The following DPYD variants were observed in gnomAD, a reference collection of about 807,000 sequenced individuals.
The protein encoded by DPYD is dihydropyrimidine dehydrogenase [NADP(+)].
A neutral mutation model predicts 116.2 loss-of-function variants in DPYD; 109 were observed. The ratio of observed to expected loss-of-function variants is 0.94; its 90% CI spans 0.80 to 1.10. The LOEUF is 1.10. Among genes scored for constraint, DPYD ranks in the 50% least tolerant of loss-of-function variants. DPYD has a pLI of 0.00. For synonymous variants in DPYD, 440 were observed against 432.0 expected, an observed-to-expected ratio of 1.02 and a Z score of -0.23; for missense variants, 1,302 against 1,254.5, an observed-to-expected ratio of 1.04 and a Z score of -0.57.
intron 18 of DPYD, among the ~76,000 whole-genome samples, chr1:97,296,594 G>C (rs1666544555): frequency 6.6e-6 from 1 of 151,906 alleles, no homozygotes; most frequent in Admixed American, 6.6e-5. Context: ...TATTCATGCT[G>C]TTTTGATAAA....
chr1:97,820,074 G>A lies in DPYD; in HGVS notation c.233+8040C>T, dbSNP rs1355774214. ...ATGGTTTACTAATCACAGCTTCCTC[G>A]GAGTCATGGTTCATGTAGAAGTATC... On this transcript the variant is annotated intron_variant, in intron 3 of 22. Coordinates refer to ENST00000370192, the MANE Select transcript of DPYD (RefSeq NM_000110.4). 2.6e-5 allele frequency among the ~76,000 whole-genome samples: 4 copies of A among 151,994 alleles called. No homozygotes were observed. The East Asian group carries it at 5.8e-4, about 22-fold the overall frequency.
chr1:97,718,848 T>A (rs1231394914), intron 5 of DPYD, among the ~76,000 whole-genome samples: 2 of 151,762 alleles, frequency 1.3e-5, no homozygotes, highest in African/African-American at 4.8e-5. Flanking sequence ...AAAATTCCAA[T>A]AAATACACAA....
At chr1:97,525,664 T>TA (rs1431234962) in intron 12 of DPYD, among the ~76,000 whole-genome samples, 1 of 152,004 alleles carries the variant, frequency 6.6e-6, no homozygotes, top group Non-Finnish European at 1.5e-5. Flanking sequence ...GATTCTAACA[T>TA]AGAGTGGCAT....
At chr1:97,385,467 G>T (rs897583876) in intron 14 of DPYD, among the ~76,000 whole-genome samples, 3 of 150,228 alleles carry the variant, frequency 2.0e-5, no homozygotes, top group Non-Finnish European at 4.4e-5. Context: ...TTAGATACTA[G>T]TTACCCTGTG....
At chr1:97,666,193 A>G (rs1659546916) in intron 8 of DPYD, among the ~76,000 whole-genome samples, 1 of 151,976 alleles carries the variant, frequency 6.6e-6, no homozygotes, top group Admixed American at 6.6e-5. Context: ...TATTTTCAGA[A>G]CCAGAATCTC....
chr1:97,727,459 A>C (rs909818344), intron 4 of DPYD, among the ~76,000 whole-genome samples: 5 of 151,798 alleles, frequency 3.3e-5, no homozygotes, highest in Non-Finnish European at 4.4e-5. Context: ...TTTTAATAGA[A>C]GGGTTCCAGT....
intron 16 of DPYD, among the ~76,000 whole-genome samples, chr1:97,356,481 A>G (rs1199174090): frequency 6.6e-6 from 1 of 152,208 alleles, no homozygotes; most frequent in Non-Finnish European, 1.5e-5. Context: ...GTGATCAGGT[A>G]GCAATATTTG....
chr1:97,486,351 T>C (rs1462290779), intron 13 of DPYD, among the ~76,000 whole-genome samples: 1 of 152,154 alleles, frequency 6.6e-6, no homozygotes, highest in African/African-American at 2.4e-5. Flanking sequence ...CTATACTCCA[T>C]TACGTATGAA....
intron 4 of DPYD, among the ~76,000 whole-genome samples, chr1:97,726,976 C>A (rs986129783): frequency 1.3e-5 from 2 of 151,742 alleles, no homozygotes; most frequent in South Asian, 2.1e-4. Flanking sequence ...TTAACACTCT[C>A]ATGACTCTAA....
At chr1:97,740,617 C>T (rs953890384) in intron 3 of DPYD, 138 bp from the exon 4 acceptor site, 21 of 734,046 alleles carry the variant, frequency 2.9e-5, no homozygotes, top group Admixed American at 4.6e-5. Context: ...CATTTTTAAG[C>T]AATAAATACA....
At chr1:97,190,885 C>T (rs1468052683) in intron 20 of DPYD, among the ~76,000 whole-genome samples, 1 of 152,084 alleles carries the variant, frequency 6.6e-6, no homozygotes, top group African/African-American at 2.4e-5. Flanking sequence ...AGCCATTGTA[C>T]TTTCCAAACA....
chr1:97,489,399 C>A (rs1315009532), intron 13 of DPYD, among the ~76,000 whole-genome samples: 1 of 152,184 alleles, frequency 6.6e-6, no homozygotes, highest in Non-Finnish European at 1.5e-5. Flanking sequence ...CCAGAGGGTT[C>A]CATCCTTATT....
rs191955232 is a variant in DPYD, at chr1:97,422,402, C to T, written c.1905+27657G>A. Among the ~76,000 whole-genome samples, 359 of 152,258 alleles carry T rather than the reference C, an allele frequency of 2.4e-3. 2 individuals are homozygous for T. Among genetic ancestry groups the T allele is most frequent in the Middle Eastern group, 0.01 (3 of 294 alleles). ...ACTTTGAATTAGAAAGCTAAGGTCA[C>T]ATTTACAGACTTACTCTGATAACAT... On this transcript the variant is annotated intron_variant, in intron 14 of 22. Transcript: ENST00000370192.
chr1:97,917,089 T>A (rs1302684528), intron 1 of DPYD, among the ~76,000 whole-genome samples: 1 of 152,220 alleles, frequency 6.6e-6, no homozygotes, highest in Non-Finnish European at 1.5e-5. Context: ...ACAAAATAGT[T>A]TTAAAAAGTT....
intron 12 of DPYD, among the ~76,000 whole-genome samples, chr1:97,539,647 C>T (rs1034278916): frequency 6.6e-6 from 1 of 151,988 alleles, no homozygotes; most frequent in Non-Finnish European, 1.5e-5. Context: ...AATGACACGG[C>T]AAAAATAACT....
chr1:97,224,227 T>C lies in DPYD; in HGVS notation c.2442+10625A>G, dbSNP rs571750158. Among the ~76,000 whole-genome samples, 4 of 152,186 alleles carry C rather than the reference T, an allele frequency of 2.6e-5. No homozygotes were observed. In the East Asian group the frequency reaches 7.7e-4, roughly 29 times the overall value. ...AGGAAGGCAAGCCTGTAATCGGTTT[T>C]GAATCTTATTTCTAGGCCACGGTGT... On this transcript the variant is annotated intron_variant, in intron 19 of 22. Transcript: ENST00000370192.
At chr1:97,362,323 A>C (rs113793055) in intron 16 of DPYD, among the ~76,000 whole-genome samples, 16,295 of 152,248 alleles carry the variant, frequency 0.11, 1,055 homozygotes, top group Non-Finnish European at 0.15. Flanking sequence ...AAATGGAAGA[A>C]CATTCCATGC....
intron 8 of DPYD, among the ~76,000 whole-genome samples, chr1:97,628,936 C>G (rs1482601722): frequency 6.6e-6 from 1 of 151,964 alleles, no homozygotes; most frequent in South Asian, 2.1e-4. Flanking sequence ...CAAATCCCAG[C>G]CTCTACATGC....
chr1:97,113,636 G>A (rs1246315976), intron 20 of DPYD, among the ~76,000 whole-genome samples: 1 of 152,050 alleles, frequency 6.6e-6, no homozygotes, highest in African/African-American at 2.4e-5. Flanking sequence ...GATGGTATAT[G>A]TTGATATATT....
Sources: allele counts gnomAD v4.1 joint callset (sites outside exome capture counted in the v4.1 genomes callset), GRCh38; gene constraint gnomAD v4.1.1; transcripts MANE v1.5; gene names NCBI Gene and HGNC (gene_info 2026-07-23, HGNC 2026-07-21).